The following PNPLA1 variants were observed in gnomAD, a reference collection of about 807,000 sequenced individuals.
PNPLA1 encodes the protein patatin like domain 1, omega-hydroxyceramide transacylase.
PNPLA1 carries 36 observed loss-of-function variants against 51.7 expected under a neutral mutation model. The observed-to-expected ratio is 0.70, with a 90% confidence interval of 0.53 to 0.92. PNPLA1 has a LOEUF of 0.92. Ranked by LOEUF, PNPLA1 falls within the 40% of genes least tolerant of loss-of-function variation. The pLI, the probability that PNPLA1 is intolerant of heterozygous loss-of-function variation, is 0.00. For missense variants in PNPLA1, 658 were observed against 682.5 expected (o/e 0.96, Z 0.40); for synonymous variants, 293 against 280.1 (o/e 1.05, Z -0.46).
chr6:36,270,548 G>A lies in PNPLA1; in HGVS notation c.89G>A (p.Gly30Glu), dbSNP rs1465152702. The A allele has an allele frequency of 6.4e-7, 1 of 1,551,522 alleles. No individual in the cohort carries two copies. The highest frequency in any genetic ancestry group is 1.4e-5 in the African/African-American group (1 of 73,074). ...GSGFLSFYQA[G>E]AVDALRDLAP... Reference sequence around the variant, plus strand: ...GGATTCCTCTCCTTCTACCAGGCGGGGGCTGTGGACGCCCTGCGGGACCTG... The same window carrying A: ...GGATTCCTCTCCTTCTACCAGGCGGAGGCTGTGGACGCCCTGCGGGACCTG... Residue 30 changes from glycine (G) to glutamate (E), a missense_variant, in exon 1 of 9, where the codon GGG becomes GAG. Physicochemically the swap from Gly to Glu is moderately conservative, Grantham distance 98. Transcript: ENST00000636260.
chr6:36,292,180 C>A (rs1194452137), intron 2 of PNPLA1, among the ~76,000 whole-genome samples: 3 of 152,120 alleles, frequency 2.0e-5, no homozygotes, highest in African/African-American at 7.2e-5. Context: ...TCTCCACTCT[C>A]CTTCCTTCCC....
intron 1 of PNPLA1, among the ~76,000 whole-genome samples, chr6:36,276,382 G>A (rs1219142210): frequency 6.6e-6 from 1 of 152,240 alleles, no homozygotes; most frequent in Admixed American, 6.5e-5. Context: ...GCAACTTCTG[G>A]CGTGTATGCC....
chr6:36,258,404 A>T (rs1769575951), intron 1 of PNPLA1, among the ~76,000 whole-genome samples: 1 of 152,186 alleles, frequency 6.6e-6, no homozygotes. Context: ...CTCAGCAAAC[A>T]AACTACAAAA....
chr6:36,286,326 C>A (rs913469307), intron 1 of PNPLA1, among the ~76,000 whole-genome samples: 1 of 152,178 alleles, frequency 6.6e-6, no homozygotes, highest in Non-Finnish European at 1.5e-5. Context: ...CATGGAAAGA[C>A]TCTCTGATCA....
chr6:36,260,679 C>T (rs145564050), intron 1 of PNPLA1, among the ~76,000 whole-genome samples: 1 of 152,296 alleles, frequency 6.6e-6, no homozygotes, highest in African/African-American at 2.4e-5. Context: ...CAAATGGTAG[C>T]ATATTATACA....
intron 1 of PNPLA1, among the ~76,000 whole-genome samples, chr6:36,261,262 A>G (rs747493404): frequency 3.9e-5 from 6 of 152,248 alleles, no homozygotes; most frequent in Non-Finnish European, 7.3e-5. Context: ...AGCACTTGCA[A>G]TGACCATCAC....
chr6:36,293,046 G>T lies in PNPLA1; in HGVS notation c.439-15G>T, dbSNP rs746122332. 3 of 1,611,572 alleles carry T rather than the reference G, an allele frequency of 1.9e-6. No homozygotes were observed. Among genetic ancestry groups the T allele is most frequent in the Non-Finnish European group, 2.5e-6 (3 of 1,178,602 alleles). ...CCCGGGCCTCCAGCATCTCAGCCCT[G>T]TTCTCTCCGCACAGGCCCTATACTG... On this transcript the variant is annotated splice_polypyrimidine_tract_variant and intron_variant, in intron 2 of 8. Coordinates refer to ENST00000636260, the MANE Select transcript of PNPLA1 (RefSeq NM_001374623.1).
rs1769197340 is a variant in PNPLA1, at chr6:36,243,783, TG to T, written c.-81+524del. On this transcript the variant is annotated intron_variant, in intron 1 of 7. Transcript: ENST00000312917. ...TGCAGGCATAGGGAGTGCCATGGAC[TG>T]GTGCCTGGGGAATTGCATGGGAAAG... 3.3e-5 allele frequency among the ~76,000 whole-genome samples: 5 copies of T among 152,274 alleles called. No homozygotes were observed. The South Asian group carries it at 1.0e-3, about 32-fold the overall frequency.
chr6:36,254,106 A>G (rs1231704803), intron 1 of PNPLA1, among the ~76,000 whole-genome samples: 4 of 152,236 alleles, frequency 2.6e-5, no homozygotes, highest in Non-Finnish European at 5.9e-5. Flanking sequence ...AAACAGCTAA[A>G]CAACCATTAA....
intron 1 of PNPLA1, among the ~76,000 whole-genome samples, chr6:36,261,808 A>G (rs1769655071): frequency 1.3e-5 from 2 of 152,324 alleles, no homozygotes; most frequent in South Asian, 4.1e-4. Context: ...TGTGTCTTGA[A>G]CTAAGACAGC....
rs1019295300 is a variant in PNPLA1, at chr6:36,253,963, A to G, written c.-81+10702A>G. On this transcript the variant is annotated intron_variant, in intron 1 of 7. Coordinates refer to the PNPLA1 transcript ENST00000312917. ...ACTGTCCTCATCTTAGATTCCTTAC[A>G]GTCAGGGTATGCTGCTCCCATTCCG... Among the ~76,000 whole-genome samples, 3 of 152,150 alleles carry G rather than the reference A, an allele frequency of 2.0e-5. No homozygotes were observed. The East Asian group carries it at 5.8e-4, about 29-fold the overall frequency.
At chr6:36,268,726 C>T (rs1561852649), upstream of PNPLA1, among the ~76,000 whole-genome samples, 1 of 152,200 alleles carries the variant, frequency 6.6e-6, no homozygotes, top group Non-Finnish European at 1.5e-5. Context: ...TTCACATTTG[C>T]CTGTCTTGTT....
intron 1 of PNPLA1, among the ~76,000 whole-genome samples, chr6:36,272,829 A>G (rs1472196590): frequency 6.6e-6 from 1 of 152,218 alleles, no homozygotes; most frequent in Admixed American, 6.5e-5. Context: ...ATTTTAAAGA[A>G]TAATAGTAAT....
chr6:36,266,967 T>C (rs916710358), upstream of PNPLA1, among the ~76,000 whole-genome samples: 1 of 152,178 alleles, frequency 6.6e-6, no homozygotes, highest in Non-Finnish European at 1.5e-5. Flanking sequence ...TATGTGCATC[T>C]TTCTCCCCAG....
intron 1 of PNPLA1, among the ~76,000 whole-genome samples, chr6:36,283,978 C>T (rs1269087894): frequency 6.6e-6 from 1 of 152,268 alleles, no homozygotes; most frequent in Non-Finnish European, 1.5e-5. Flanking sequence ...AGAGCAGGGG[C>T]AATGGCCCTG....
chr6:36,280,015 G>A lies in PNPLA1; in HGVS notation c.205+9351G>A, dbSNP rs188546545. Among the ~76,000 whole-genome samples the A allele has an allele frequency of 1.2e-3, 189 of 152,148 alleles. 3 individuals carry two copies. In the South Asian group the frequency reaches 0.032, roughly 26 times the overall value. Reference sequence around the variant, plus strand: ...GAGGTTAGGAGATCAAGACCATCCTGGCCAACACGGTGAAACCCTGTCTCT... The same window carrying A: ...GAGGTTAGGAGATCAAGACCATCCTAGCCAACACGGTGAAACCCTGTCTCT... On this transcript the variant is annotated intron_variant, in intron 1 of 8. Coordinates refer to ENST00000636260, the MANE Select transcript of PNPLA1 (RefSeq NM_001374623.1).
At chr6:36,282,889 T>A (rs1770363218) in intron 1 of PNPLA1, among the ~76,000 whole-genome samples, 1 of 152,194 alleles carries the variant, frequency 6.6e-6, no homozygotes, top group African/African-American at 2.4e-5. Context: ...TTCACCATCT[T>A]GGCCAGGCTG....
intron 1 of PNPLA1, among the ~76,000 whole-genome samples, chr6:36,252,819 C>G (rs1211828783): frequency 6.6e-6 from 1 of 152,196 alleles, no homozygotes; most frequent in East Asian, 1.9e-4. Context: ...GCTAGCACTT[C>G]ACAAAAAATC....
At position 36,282,088 on chromosome 6, in the gene PNPLA1, A is replaced by AGAAAGAAAGAAAGAAAGAAAGAAAGAAG. The variant is rs1554136580; in HGVS notation, c.206-9229_206-9228insAGAAAGAAAGAAAGAAAGAAAGAAGGAA. On this transcript the variant is annotated intron_variant, in intron 1 of 8. Coordinates refer to ENST00000636260, the MANE Select transcript of PNPLA1 (RefSeq NM_001374623.1). Reference sequence around the variant, plus strand: ...AAGAAAGAAAGAAAGAAAGAAAGAAAGAAGGAAGGAAGGAAGGAAGGAAGG... The same window carrying AGAAAGAAAGAAAGAAAGAAAGAAAGAAG: ...AAGAAAGAAAGAAAGAAAGAAAGAAAGAAAGAAAGAAAGAAAGAAAGAAAGAAGGAAGGAAGGAAGGAAGGAAGGAAGG... Among the ~76,000 whole-genome samples the AGAAAGAAAGAAAGAAAGAAAGAAAGAAG allele has an allele frequency of 2.3e-4, 23 of 98,888 alleles. 1 individual carries two copies. Among genetic ancestry groups the AGAAAGAAAGAAAGAAAGAAAGAAAGAAG allele is most frequent in the East Asian group, 6.0e-4 (2 of 3,334 alleles). The allele number at this position is 98,888 out of a possible 152,430, so 64.9% of individuals were successfully genotyped here. A position where few individuals can be genotyped will look rare whatever the true frequency, so the allele number is the denominator to read the frequency against.
Sources: allele counts gnomAD v4.1 joint callset (sites outside exome capture counted in the v4.1 genomes callset), GRCh38; gene constraint gnomAD v4.1.1; transcripts MANE v1.5; gene names NCBI Gene and HGNC (gene_info 2026-07-23, HGNC 2026-07-21).